Variants in EIF4E3 observed in about 807,000 individuals in gnomAD.
EIF4E3 encodes eukaryotic translation initiation factor 4E family member 3, also known as eukaryotic translation initiation factor 4E type 3.
A neutral mutation model predicts 31.7 loss-of-function variants in EIF4E3; 26 were observed. The observed-to-expected ratio is 0.82, with a 90% CI of 0.60 to 1.14. The LOEUF is 1.14. Ranked by LOEUF, EIF4E3 falls within the 50% of genes most tolerant of loss-of-function variation. The pLI is 0.00. For missense variants in EIF4E3, 304 were observed against 270.9 expected, an observed-to-expected ratio of 1.12 and a Z score of -0.86; for synonymous variants, 128 against 107.7, an observed-to-expected ratio of 1.19 and a Z score of -1.17.
At chr3:71,735,492 T>G (rs979420996) in intron 1 of EIF4E3, among the ~76,000 whole-genome samples, 24 of 152,198 alleles carry the variant, frequency 1.6e-4, no homozygotes, top group African/African-American at 5.8e-4. Flanking sequence ...GCCAGAGCAG[T>G]TCTCTGCAAG....
At chr3:71,718,472 C>A (rs2049498331) in intron 1 of EIF4E3, among the ~76,000 whole-genome samples, 1 of 152,200 alleles carries the variant, frequency 6.6e-6, no homozygotes, top group East Asian at 1.9e-4. Flanking sequence ...ACAGTAGCAA[C>A]TGGGGCTCCT....
chr3:71,662,873 A>C, the EIF4E3 span, among the ~76,000 whole-genome samples: 1 of 152,282 alleles, frequency 6.6e-6, no homozygotes, highest in South Asian at 2.1e-4. Context: ...ATGAAAGAAG[A>C]CTTGGGGGCA....
chr3:71,670,531 TA>T (rs1005721485), downstream of EIF4E3, among the ~76,000 whole-genome samples: 8 of 152,182 alleles, frequency 5.3e-5, no homozygotes, highest in South Asian at 2.1e-4. Flanking sequence ...GACTTAGGAA[TA>T]AAAAAAAGTT....
At chr3:71,742,701 C>T (rs996220953) in intron 1 of EIF4E3, among the ~76,000 whole-genome samples, 1 of 151,928 alleles carries the variant, frequency 6.6e-6, no homozygotes, top group Non-Finnish European at 1.5e-5. Context: ...AGATCAATAA[C>T]CCTCATGAAT....
At chr3:71,745,279 G>A (rs560451012) in intron 1 of EIF4E3, among the ~76,000 whole-genome samples, 2 of 152,328 alleles carry the variant, frequency 1.3e-5, no homozygotes, top group South Asian at 2.1e-4. Flanking sequence ...TGTGGGAGGT[G>A]TATGTATATA....
At chr3:71,719,957 T>C (rs2049521494) in intron 1 of EIF4E3, among the ~76,000 whole-genome samples, 1 of 151,952 alleles carries the variant, frequency 6.6e-6, no homozygotes, top group African/African-American at 2.4e-5. Flanking sequence ...GAAGCTATAA[T>C]GAGTCATGAC....
In EIF4E3 at chr3:71,684,517, C is replaced by A. The variant is rs563819259; in HGVS notation, c.*165G>T. 1.8e-4 allele frequency: 104 copies of A among 591,672 alleles called. 1 individual carries two copies. The highest frequency in any genetic ancestry group is 1.7e-3 in the African/African-American group (89 of 53,036). 36.7% of individuals were successfully genotyped at this position (591,672 alleles called of 1,614,324 possible). On this transcript the variant is annotated 3_prime_UTR_variant, in exon 7 of 7. Coordinates refer to ENST00000425534, the MANE Select transcript of EIF4E3 (RefSeq NM_001134651.2). The stretch of plus-strand genomic sequence containing the variant: ...GGTAGAAACCCACACAATCTCCCCC[C>A]ACCCCACCTGCCACTTTGAGTCCTA...
chr3:71,669,013 A>G, the EIF4E3 span, among the ~76,000 whole-genome samples: 1 of 152,222 alleles, frequency 6.6e-6, no homozygotes, highest in African/African-American at 2.4e-5. Flanking sequence ...CATCAGTGAT[A>G]GACTGGATAA....
At chr3:71,696,377 T>C in intron 4 of EIF4E3, 83 bp downstream of exon 4, 3 of 1,504,996 alleles carry the variant, frequency 2.0e-6, no homozygotes, top group East Asian at 2.3e-5. Flanking sequence ...AAATAGGCTA[T>C]CTGCAAAGCA....
chr3:71,693,174 T>A (rs1278329380), intron 5 of EIF4E3, among the ~76,000 whole-genome samples: 3 of 152,218 alleles, frequency 2.0e-5, no homozygotes, highest in African/African-American at 7.2e-5. Context: ...AACAAAACTT[T>A]AAACAAGCAA....
At chr3:71,723,291 G>A (rs1379083025) in intron 1 of EIF4E3, among the ~76,000 whole-genome samples, 1 of 152,140 alleles carries the variant, frequency 6.6e-6, no homozygotes, top group Admixed American at 6.5e-5. Context: ...TCCCACAGAA[G>A]GAGAAAAAGT....
chr3:71,671,343 C>A (rs2048846154), downstream of EIF4E3, among the ~76,000 whole-genome samples: 1 of 151,938 alleles, frequency 6.6e-6, no homozygotes. Flanking sequence ...TGCAGAGAGA[C>A]CAGGGGCTTG....
chr3:71,704,834 A>G (rs1339773475), intron 2 of EIF4E3, among the ~76,000 whole-genome samples: 1 of 152,214 alleles, frequency 6.6e-6, no homozygotes, highest in Non-Finnish European at 1.5e-5. Flanking sequence ...AACAAGGTCA[A>G]GTCTCACCCC....
chr3:71,659,607 C>T, the EIF4E3 span, among the ~76,000 whole-genome samples: 1 of 152,088 alleles, frequency 6.6e-6, no homozygotes, highest in Non-Finnish European at 1.5e-5. Context: ...AGATCTAATT[C>T]CATATTGAGA....
chr3:71,708,436 C>T (rs1447898), intron 2 of EIF4E3, among the ~76,000 whole-genome samples: 50,273 of 151,936 alleles, frequency 0.33, 9,017 homozygotes, highest in African/African-American at 0.47. Context: ...AAGAAATCTA[C>T]ATTTACTGTA....
upstream of EIF4E3, chr3:71,754,315 C>G (rs2049977012): frequency 1.3e-5 from 15 of 1,164,086 alleles, no homozygotes; most frequent in Non-Finnish European, 1.6e-5. The surrounding 1 kb of genome is among the most constrained non-coding windows in gnomAD (Gnocchi z 5.8). Context: ...GCGGGGGCGC[C>G]GCCGGGCGCG....
In EIF4E3 at chr3:71,678,448, T is replaced by C. The variant is rs2048890854; in HGVS notation, c.*6234A>G. 1 of 152,150 alleles carries C rather than the reference T, an allele frequency of 6.6e-6. No homozygotes were observed. The highest frequency in any genetic ancestry group is 2.1e-4 in the South Asian group (1 of 4,824). The allele number at this position is 152,150 out of a possible 1,614,324, so 9.4% of individuals were successfully genotyped here. A position where few individuals can be genotyped will look rare whatever the true frequency, so the allele number is the denominator to read the frequency against. The stretch of plus-strand genomic sequence containing the variant: ...CATTTGCACTAAACACATAAATCAC[T>C]ACCTTTTCAAGTAAGAAAAGTATAG... On this transcript the variant is annotated 3_prime_UTR_variant, in exon 7 of 7. Coordinates refer to ENST00000425534, the MANE Select transcript of EIF4E3 (RefSeq NM_001134651.2).
the EIF4E3 span, among the ~76,000 whole-genome samples, chr3:71,666,602 G>A: frequency 6.6e-6 from 1 of 152,282 alleles, no homozygotes; most frequent in Admixed American, 6.5e-5. Flanking sequence ...TATGAGGCCA[G>A]CATCATCCTG....
downstream of EIF4E3, among the ~76,000 whole-genome samples, chr3:71,671,983 G>A (rs1475074414): frequency 1.3e-5 from 2 of 152,138 alleles, no homozygotes; most frequent in Non-Finnish European, 2.9e-5. Flanking sequence ...GCTGCTAAGA[G>A]GGTTTTGCAT....
Sources: allele counts gnomAD v4.1 joint callset (sites outside exome capture counted in the v4.1 genomes callset), GRCh38; gene constraint gnomAD v4.1.1; non-coding constraint Gnocchi (gnomAD v3.1); transcripts MANE v1.5; gene names NCBI Gene and HGNC (gene_info 2026-07-23, HGNC 2026-07-21).